Variants in MELK observed in about 807,000 individuals in gnomAD.
The protein encoded by MELK is pEg3 kinase.
In MELK, 81 loss-of-function variants were observed where a neutral mutation model predicts 85.0. That is an observed-to-expected ratio of 0.95 (90% confidence interval 0.80 to 1.15). MELK has a LOEUF of 1.15. Ranked by LOEUF, MELK falls within the 50% of genes most tolerant of loss-of-function variation. MELK has a pLI of 0.00. For synonymous variants in MELK, 252 were observed against 265.0 expected, an observed-to-expected ratio of 0.95 and a Z score of 0.48; for missense variants, 754 against 777.5, an observed-to-expected ratio of 0.97 and a Z score of 0.36.
At chr9:36,591,751 T>A (rs1196308473) in intron 4 of MELK, among the ~76,000 whole-genome samples, 1 of 151,612 alleles carries the variant, frequency 6.6e-6, no homozygotes, top group East Asian at 1.9e-4. Flanking sequence ...AGCAACATAG[T>A]GAGACCTTGT....
At chr9:36,675,906 A>G (rs572134637) in intron 17 of MELK, among the ~76,000 whole-genome samples, 5 of 152,348 alleles carry the variant, frequency 3.3e-5, no homozygotes, top group Admixed American at 3.3e-4. Flanking sequence ...GTGCAGATAT[A>G]ATTTTTAGTT....
chr9:36,574,447 AAAAAAATT>A (rs1363778023), intron 1 of MELK, among the ~76,000 whole-genome samples: 3 of 151,426 alleles, frequency 2.0e-5, no homozygotes, highest in Non-Finnish European at 4.4e-5. Flanking sequence ...AAAAAAAAAA[AAAAAAATT>A]AACCGGGCAT....
intron 3 of MELK, among the ~76,000 whole-genome samples, chr9:36,586,370 A>G (rs757439302): frequency 1.8e-4 from 28 of 152,058 alleles, no homozygotes; most frequent in Non-Finnish European, 5.9e-5. Flanking sequence ...GTCAAAGAGT[A>G]TGTAAGTAGT....
At chr9:36,617,331 T>C (rs1225192698) in intron 8 of MELK, among the ~76,000 whole-genome samples, 1 of 152,120 alleles carries the variant, frequency 6.6e-6, no homozygotes, top group Non-Finnish European at 1.5e-5. Context: ...TTTTTCTTTT[T>C]TTCTTTCTTT....
intron 7 of MELK, among the ~76,000 whole-genome samples, chr9:36,602,444 T>G (rs1825022633): frequency 7.1e-6 from 1 of 141,132 alleles, no homozygotes; most frequent in African/African-American, 2.8e-5. Context: ...GAGCCGAGAT[T>G]GTATCATTGC....
chr9:36,662,889 A>G (rs960683286), intron 13 of MELK, among the ~76,000 whole-genome samples: 9 of 152,042 alleles, frequency 5.9e-5, no homozygotes, highest in African/African-American at 1.9e-4. Flanking sequence ...GGAACACACC[A>G]TCTGTGTGGT....
intron 8 of MELK, among the ~76,000 whole-genome samples, chr9:36,623,388 A>G (rs1409103642): frequency 2.0e-5 from 3 of 152,176 alleles, no homozygotes. Context: ...CAAATAAGAG[A>G]TTTGGTTAAG....
intron 8 of MELK, chr9:36,629,986 A>G (rs1587494861): frequency 5.2e-6 from 1 of 192,982 alleles, no homozygotes; most frequent in South Asian, 1.2e-4. Context: ...CTGGGATTAC[A>G]GGTGCCTGCC....
chr9:36,644,784 T>C (rs1422922764), intron 11 of MELK, among the ~76,000 whole-genome samples: 1 of 152,192 alleles, frequency 6.6e-6, no homozygotes, highest in Non-Finnish European at 1.5e-5. Flanking sequence ...ATAACAACAC[T>C]GAGTTTCCAT....
rs138546998 is a variant in MELK at position 36,624,070 on chromosome 9, C to T, written c.667-6229C>T. On this transcript the variant is annotated intron_variant, in intron 8 of 17. Transcript: ENST00000298048. ...AGCAAAATTTCTATGCAGTAGGTATCGTTATTATACTTCTTTTTTTTTTTT... is the reference window on the plus strand; with the variant it reads ...AGCAAAATTTCTATGCAGTAGGTATTGTTATTATACTTCTTTTTTTTTTTT... Among the ~76,000 whole-genome samples, 247 of 150,322 alleles carry T rather than the reference C, an allele frequency of 1.6e-3. 1 individual carries two copies. Among genetic ancestry groups the T allele is most frequent in the African/African-American group, 5.8e-3 (235 of 40,790 alleles).
intron 1 of MELK, among the ~76,000 whole-genome samples, chr9:36,574,935 G>A (rs1307371695): frequency 6.6e-6 from 1 of 152,002 alleles, no homozygotes; most frequent in Non-Finnish European, 1.5e-5. Flanking sequence ...AGGAGTTCAA[G>A]ACCAGCCTGG....
chr9:36,657,286 T>G lies in MELK; in HGVS notation c.1099T>G (p.Tyr367Asp). The change falls in exon 13 of 18, where the codon TAT (tyrosine) becomes GAT (aspartate). Residue 367 changes from tyrosine (Y) to aspartate (D), a missense_variant. Physicochemically the swap from Tyr to Asp is radical, Grantham distance 160. Coordinates refer to ENST00000298048, the MANE Select transcript of MELK (RefSeq NM_014791.4). Reference sequence around the variant, plus strand: ...AGATGTGACCGCAAGTGATAAAAATTATGTGGCGGGATTAATAGACTATGA... The same window carrying G: ...AGATGTGACCGCAAGTGATAAAAATGATGTGGCGGGATTAATAGACTATGA... ...LEDVTASDKN[Y>D]VAGLIDYDWC... 2 of 1,613,690 alleles carry G rather than the reference T, an allele frequency of 1.2e-6. No homozygotes were observed. The highest frequency in any genetic ancestry group is 1.7e-6 in the Non-Finnish European group (2 of 1,179,932).
Position 36,669,413 on chromosome 9 carries a change from G to A in MELK, c.1505+7G>A. ...TCATTAGCCCTGAGAGGCGGTAAGT[G>A]TTTGGTTTTTTTAGACTCTAATCTT... On this transcript the variant is annotated splice_region_variant and intron_variant, in intron 15 of 17. Coordinates refer to ENST00000298048, the MANE Select transcript of MELK (RefSeq NM_014791.4). 6.3e-7 allele frequency: 1 copy of A among 1,580,474 alleles called. No individual in the cohort carries two copies. The highest frequency in any genetic ancestry group is 8.6e-7 in the Non-Finnish European group (1 of 1,164,812).
Position 36,609,871 on chromosome 9 carries a change from T to C in MELK, c.666+2198T>C, listed in dbSNP as rs1825920967. Among the ~76,000 whole-genome samples the C allele has an allele frequency of 2.6e-5, 4 of 152,314 alleles. No homozygotes were observed. In the South Asian group the frequency reaches 8.3e-4, roughly 32 times the overall value. The stretch of plus-strand genomic sequence containing the variant: ...AACTTTATTATTGTCCACCAGGGCC[T>C]GATCTCTTGTTGGAGACAGGTATAA... On this transcript the variant is annotated intron_variant, in intron 8 of 17. Coordinates refer to ENST00000298048, the MANE Select transcript of MELK (RefSeq NM_014791.4).
chr9:36,607,720 C>A, intron 8 of MELK, 47 bp downstream of exon 8: 2 of 1,229,512 alleles, frequency 1.6e-6, no homozygotes, highest in Non-Finnish European at 2.4e-6. Context: ...TTTTCTATAC[C>A]GAATAGTATA....
intron 16 of MELK, among the ~76,000 whole-genome samples, chr9:36,672,509 T>C (rs1832975240): frequency 6.6e-6 from 1 of 152,206 alleles, no homozygotes. Context: ...CAATAGAAAC[T>C]ACTGTGGTGT....
chr9:36,645,051 G>C (rs1193270030), intron 11 of MELK, among the ~76,000 whole-genome samples: 1 of 151,868 alleles, frequency 6.6e-6, no homozygotes, highest in Non-Finnish European at 1.5e-5. Flanking sequence ...GGCGGATCAT[G>C]AGGTCAGGAG....
At chr9:36,597,386 C>A in intron 6 of MELK, 96 bp downstream of exon 6, 2 of 1,139,832 alleles carry the variant, frequency 1.8e-6, no homozygotes, top group Non-Finnish European at 2.6e-6. Flanking sequence ...CTTTATTGAG[C>A]TTGGTTGCAT....
chr9:36,628,881 T>G (rs1345091857), intron 8 of MELK, among the ~76,000 whole-genome samples: 2 of 149,846 alleles, frequency 1.3e-5, no homozygotes, highest in East Asian at 3.9e-4. Context: ...TTTTTTTTTT[T>G]GAGACGGAGT....
Sources: allele counts gnomAD v4.1 joint callset (sites outside exome capture counted in the v4.1 genomes callset), GRCh38; gene constraint gnomAD v4.1.1; transcripts MANE v1.5; gene names NCBI Gene and HGNC (gene_info 2026-07-23, HGNC 2026-07-21).